Variants in PHACTR1 observed in about 807,000 individuals in gnomAD.
The protein encoded by PHACTR1 is phosphatase and actin regulator 1.
A neutral mutation model predicts 69.2 loss-of-function variants in PHACTR1; 16 were observed. The ratio of observed to expected loss-of-function variants is 0.23; its 90% confidence interval spans 0.16 to 0.35. The LOEUF is 0.35. Among genes scored for constraint, PHACTR1 ranks in the 10% least tolerant of loss-of-function variants. PHACTR1 has a pLI of 1.00. For synonymous variants in PHACTR1, 312 were observed against 284.5 expected (o/e 1.10, Z -0.97); for missense variants, 510 against 734.7 (o/e 0.69, Z 3.54).
At chr6:12,921,243 CA>C (rs2127512023) in intron 4 of PHACTR1, among the ~76,000 whole-genome samples, 1 of 152,294 alleles carries the variant, frequency 6.6e-6, no homozygotes, top group African/African-American at 2.4e-5. Context: ...AGATCAGGTC[CA>C]AAGTTCATGT....
In PHACTR1 at chr6:13,287,046, A is replaced by T; in HGVS notation, c.1728-17A>T. 1.2e-6 allele frequency: 2 copies of T among 1,607,542 alleles called. No homozygotes were observed. Among genetic ancestry groups the T allele is most frequent in the Middle Eastern group, 1.7e-4 (1 of 6,056 alleles). On this transcript the variant is annotated splice_polypyrimidine_tract_variant and intron_variant, in intron 14 of 14. Transcript: ENST00000332995. ...TTGGCAGCCCCTTGGTCTTGATGTA[A>T]TTGTTTGTTTCCTTAGGTTTCACCG...
chr6:12,994,508 C>T lies in PHACTR1; in HGVS notation c.251-58857C>T, dbSNP rs144681327. ...ACTCAGGAAAAAAATTAAGTGATTA[C>T]TAACTCCAGGAAAAATGAAAAGTTG... On this transcript the variant is annotated intron_variant, in intron 4 of 14. Coordinates refer to ENST00000332995, the MANE Select transcript of PHACTR1 (RefSeq NM_030948.6). Among the ~76,000 whole-genome samples the T allele has an allele frequency of 5.5e-3, 836 of 152,210 alleles. 18 individuals are homozygous for T. In the East Asian group the frequency reaches 0.069, roughly 13 times the overall value.
intron 4 of PHACTR1, among the ~76,000 whole-genome samples, chr6:12,789,985 A>G (rs1772055710): frequency 7.2e-6 from 1 of 138,028 alleles, no homozygotes; most frequent in African/African-American, 2.8e-5. Context: ...CCTTAAGAAT[A>G]TTTCCAGTTT....
chr6:12,872,396 A>C (rs1218456724), intron 4 of PHACTR1, among the ~76,000 whole-genome samples: 3 of 152,130 alleles, frequency 2.0e-5, no homozygotes, highest in Non-Finnish European at 2.9e-5. Flanking sequence ...GATGTTTGAA[A>C]ATCTCCATGA....
intron 8 of PHACTR1, among the ~76,000 whole-genome samples, chr6:13,210,712 T>C (rs1766679858): frequency 1.3e-5 from 2 of 152,136 alleles, no homozygotes; most frequent in African/African-American, 4.8e-5. Context: ...ATTTAATGAA[T>C]CCAAATCAGT....
chr6:12,820,032 G>A (rs1197130122), intron 4 of PHACTR1, among the ~76,000 whole-genome samples: 1 of 152,166 alleles, frequency 6.6e-6, no homozygotes. Flanking sequence ...TTCAAGCATG[G>A]GAGAGAAAGT....
chr6:12,782,369 C>A (rs545595903), intron 4 of PHACTR1, among the ~76,000 whole-genome samples: 2 of 152,288 alleles, frequency 1.3e-5, no homozygotes, highest in South Asian at 4.1e-4. Flanking sequence ...ACACATTCGA[C>A]TTGTCAGTTA....
Position 13,283,415 on chromosome 6 carries a change from C to T in PHACTR1, c.1510-7C>T. On this transcript the variant is annotated splice_polypyrimidine_tract_variant and splice_region_variant and intron_variant, in intron 12 of 14. Transcript: ENST00000332995. The surrounding 1 kb of genome is among the most constrained non-coding windows in gnomAD (Gnocchi z 4.7). ...CTGACTGGGTCCATCTCTCTCCCTC[C>T]CTGCAGCTCAGTCAAAGGCCCACGG... is the stretch of plus-strand genomic sequence containing the variant. 6.2e-7 allele frequency: 1 copy of T among 1,613,298 alleles called. No homozygotes were observed. Among genetic ancestry groups the T allele is most frequent in the Non-Finnish European group, 8.5e-7 (1 of 1,179,684 alleles).
chr6:13,003,965 G>GTATA lies in PHACTR1; in HGVS notation c.251-49389_251-49386dup, dbSNP rs772804033. ...CAGTAGTATTCCTATATATATATAT[G>GTATA]TATATATATATATACACATATATAT... On this transcript the variant is annotated intron_variant, in intron 4 of 14. Coordinates refer to ENST00000332995, the MANE Select transcript of PHACTR1 (RefSeq NM_030948.6). Among the ~76,000 whole-genome samples the GTATA allele has an allele frequency of 5.5e-3, 531 of 95,894 alleles. 18 individuals carry two copies. The highest frequency in any genetic ancestry group is 0.023 in the African/African-American group (380 of 16,710). 62.9% of individuals were successfully genotyped at this position (95,894 alleles called of 152,430 possible).
intron 10 of PHACTR1, among the ~76,000 whole-genome samples, chr6:13,259,369 G>T (rs1386424324): frequency 6.6e-6 from 1 of 152,136 alleles, no homozygotes; most frequent in Non-Finnish European, 1.5e-5. Context: ...CTCCAAAAGT[G>T]ATTTCCACTC....
chr6:12,911,683 G>A (rs1465741939), intron 4 of PHACTR1, among the ~76,000 whole-genome samples: 1 of 152,056 alleles, frequency 6.6e-6, no homozygotes, highest in African/African-American at 2.4e-5. Flanking sequence ...AAAAATCCAG[G>A]GTGACCGCTG....
chr6:13,084,599 T>C (rs1811980159), intron 5 of PHACTR1, among the ~76,000 whole-genome samples: 1 of 151,512 alleles, frequency 6.6e-6, no homozygotes. Context: ...GAGGAAGCAA[T>C]AATGAGCAAA....
intron 10 of PHACTR1, among the ~76,000 whole-genome samples, chr6:13,233,338 G>GATGCTTAAATACTGCTTGGAATTTGTA (rs11272260): frequency 0.9 from 136,146 of 152,034 alleles, 61,522 homozygotes; most frequent in African/African-American, 0.98. Flanking sequence ...CCCTTATAAG[G>GATGCTTAAATACTGCTTGGAATTTGTA]ACATCCACTG....
intron 4 of PHACTR1, among the ~76,000 whole-genome samples, chr6:12,810,318 GGTTT>G (rs1195217473): frequency 6.6e-6 from 1 of 150,886 alleles, no homozygotes; most frequent in Non-Finnish European, 1.5e-5. Context: ...GTGGTTGGTT[GGTTT>G]GTTGTTTGTT....
intron 4 of PHACTR1, among the ~76,000 whole-genome samples, chr6:13,023,310 C>G (rs1801245626): frequency 6.6e-6 from 1 of 152,172 alleles, no homozygotes; most frequent in Non-Finnish European, 1.5e-5. Flanking sequence ...ATGTGGGCTT[C>G]AGGCTGGCAC....
At chr6:12,865,501 C>T (rs1301395006) in intron 4 of PHACTR1, among the ~76,000 whole-genome samples, 1 of 151,474 alleles carries the variant, frequency 6.6e-6, no homozygotes, top group Non-Finnish European at 1.5e-5. Flanking sequence ...TGTAGACAAT[C>T]CTTCATCCCC....
chr6:12,930,045 C>CT (rs61075165), intron 4 of PHACTR1, among the ~76,000 whole-genome samples: 418 of 141,914 alleles, frequency 2.9e-3, no homozygotes, highest in African/African-American at 6.0e-3. Flanking sequence ...ACAGAAAGAA[C>CT]TTTTTTTTTT....
Position 12,938,521 on chromosome 6 carries a change from G to A in PHACTR1, c.251-114844G>A, listed in dbSNP as rs556466420. On this transcript the variant is annotated intron_variant, in intron 4 of 14. Transcript: ENST00000332995. ...GGTTTTTCAACACCAAGCCCTATCT[G>A]GTGTTTCTAGTTTTTATTTTTTGGA... Among the ~76,000 whole-genome samples, 19 of 152,058 alleles carry A rather than the reference G, an allele frequency of 1.2e-4. No homozygotes were observed. In the East Asian group the frequency reaches 3.7e-3, roughly 29 times the overall value.
chr6:12,970,454 G>C (rs1049118362), intron 4 of PHACTR1, among the ~76,000 whole-genome samples: 2 of 152,114 alleles, frequency 1.3e-5, no homozygotes, highest in African/African-American at 4.8e-5. Flanking sequence ...CAGTATTTTA[G>C]AATTTAAATC....
Sources: gnomAD v4.1 joint callset for allele counts (sites outside exome capture counted in the v4.1 genomes callset) on GRCh38, gnomAD v4.1.1 for gene constraint, Gnocchi (gnomAD v3.1) non-coding constraint, MANE v1.5 for transcripts, NCBI Gene and HGNC (gene_info 2026-07-23, HGNC 2026-07-21) for gene names.